Variants in CCDC183 observed in about 807,000 individuals in gnomAD.
The protein encoded by CCDC183 is coiled-coil domain-containing protein 183.
CCDC183 carries 63 observed loss-of-function variants against 65.2 expected under a neutral mutation model. The ratio of observed to expected loss-of-function variants is 0.97; its 90% CI spans 0.79 to 1.19. The LOEUF is 1.19. CCDC183 is among the 50% of genes most tolerant of loss of function. CCDC183 has a pLI of 0.00. For synonymous variants in CCDC183, 323 were observed against 276.5 expected (o/e 1.17, Z -1.67); for missense variants, 769 against 689.3 (o/e 1.12, Z -1.30).
intron 5 of CCDC183, among the ~76,000 whole-genome samples, chr9:136,802,331 T>C (rs114064502): frequency 0.014 from 2,111 of 152,274 alleles, 55 homozygotes; most frequent in African/African-American, 0.046. Context: ...CCCAAGCCCA[T>C]GTCTTGAGCC....
chr9:136,806,172 C>G lies in CCDC183; in HGVS notation c.1043C>G (p.Ala348Gly). The part of the protein sequence containing the change: ...DCEEWRVQLK[A>G]LVKQLELEEA... ...GAGGAGTGGCGGGTGCAGCTGAAGG[C>G]CCTGGTGAAGCAGCTGGAGCTGGAG... is the stretch of plus-strand genomic sequence containing the variant. Residue 348 changes from alanine (A) to glycine (G), a missense_variant, in exon 10 of 14, where the codon GCC (alanine) becomes GGC (glycine). By Grantham distance (60) the Ala-to-Gly change is moderately conservative. Coordinates refer to ENST00000338005, the MANE Select transcript of CCDC183 (RefSeq NM_001039374.5). 6.4e-7 allele frequency: 1 copy of G among 1,555,134 alleles called. No homozygotes were observed. The highest frequency in any genetic ancestry group is 8.7e-7 in the Non-Finnish European group (1 of 1,149,586).
At position 136,804,895 on chromosome 9, in the gene CCDC183, T is replaced by C; in HGVS notation, c.847+79T>C. 7.8e-7 allele frequency: 1 copy of C among 1,278,034 alleles called. No individual in the cohort carries two copies. Among genetic ancestry groups the C allele is most frequent in the Non-Finnish European group, 1.1e-6 (1 of 883,624 alleles). 79.2% of individuals were successfully genotyped at this position (1,278,034 alleles called of 1,614,324 possible). A position where few individuals can be genotyped will look rare whatever the true frequency, so the allele number is the denominator to read the frequency against. On this transcript the variant is annotated intron_variant, in intron 8 of 13. Transcript: ENST00000338005. This position sits in a 1 kb window ranked among gnomAD's most constrained non-coding sequence, Gnocchi z 4.1. The stretch of plus-strand genomic sequence containing the variant: ...CACTGATTCAGGCCAACGGATCAAG[T>C]CACCCTGAGGCCAGGTGTGACATGT...
At chr9:136,798,159 C>T (rs1847681887) in intron 1 of CCDC183, among the ~76,000 whole-genome samples, 3 of 152,154 alleles carry the variant, frequency 2.0e-5, no homozygotes, top group East Asian at 1.9e-4. Context: ...GTGCCCACCA[C>T]CACGCCCAGC....
chr9:136,802,417 A>G (rs774669242), intron 5 of CCDC183, among the ~76,000 whole-genome samples: 5 of 152,148 alleles, frequency 3.3e-5, no homozygotes, highest in Non-Finnish European at 5.9e-5. Flanking sequence ...AGAGCATTTC[A>G]TCACAAACTC....
chr9:136,802,740 T>G lies in CCDC183; in HGVS notation c.620T>G (p.Met207Arg). The change falls in exon 6 of 14, where the codon ATG becomes AGG. Residue 207 changes from methionine to arginine, a missense_variant. By Grantham distance (91) the Met-to-Arg change is moderately conservative. Coordinates refer to ENST00000338005, the MANE Select transcript of CCDC183 (RefSeq NM_001039374.5). ...VVNYCSELSDMKIMSQDAMMI... is the reference protein window; with the variant it reads ...VVNYCSELSDRKIMSQDAMMI... ...AACTACTGCTCAGAGCTGTCGGATA[T>G]GAAGATCATGTCCCAAGATGCCATG... The G allele has an allele frequency of 6.2e-7, 1 of 1,613,442 alleles. No individual in the cohort carries two copies. The highest frequency in any genetic ancestry group is 8.5e-7 in the Non-Finnish European group (1 of 1,179,840).
At chr9:136,798,418 C>T (rs1048210025) in intron 1 of CCDC183, among the ~76,000 whole-genome samples, 2 of 152,108 alleles carry the variant, frequency 1.3e-5, no homozygotes, top group Non-Finnish European at 2.9e-5. Flanking sequence ...CTGCCTCAGC[C>T]TCCTGAGTAG....
Position 136,804,822 on chromosome 9 carries a change from C to CG in CCDC183, c.847+7dup. On this transcript the variant is annotated splice_region_variant and intron_variant, in intron 8 of 13. Coordinates refer to ENST00000338005, the MANE Select transcript of CCDC183 (RefSeq NM_001039374.5). This position sits in a 1 kb window ranked among gnomAD's most constrained non-coding sequence, Gnocchi z 4.1. The stretch of plus-strand genomic sequence containing the variant: ...GAGCACGGAGACCCTGAAATGTAAG[C>CG]GCTCAGCTCCCCACCTGCCCCCAGC... 6.2e-7 allele frequency: 1 copy of CG among 1,613,342 alleles called. No individual in the cohort carries two copies. The highest frequency in any genetic ancestry group is 8.5e-7 in the Non-Finnish European group (1 of 1,179,580).
Position 136,804,920 on chromosome 9 carries a change from T to C in CCDC183, c.847+104T>C, listed in dbSNP as rs1847815909. 1 of 993,526 alleles carries C rather than the reference T, an allele frequency of 1.0e-6. No homozygotes were observed. The highest frequency in any genetic ancestry group is 2.5e-5 in the East Asian group (1 of 39,822). The allele number at this position is 993,526 out of a possible 1,614,324, so 61.5% of individuals were successfully genotyped here. A position where few individuals can be genotyped will look rare whatever the true frequency, so the allele number is the denominator to read the frequency against. On this transcript the variant is annotated intron_variant, in intron 8 of 13. Transcript: ENST00000338005. This position sits in a 1 kb window ranked among gnomAD's most constrained non-coding sequence, Gnocchi z 4.1. ...TCACCCTGAGGCCAGGTGTGACATG[T>C]GGTCGCCAGGGTGAAGGGAAGGACA...
rs1847711295 is a variant in CCDC183, at chr9:136,799,995, G to A, written c.271-7G>A. ...ACCACGAGTGGGCGGTGCCCTTCCC[G>A]ACCCAGGTGGTGCGGGAGAAGCTGC... On this transcript the variant is annotated splice_region_variant and splice_polypyrimidine_tract_variant and intron_variant, in intron 3 of 13. Coordinates refer to ENST00000338005, the MANE Select transcript of CCDC183 (RefSeq NM_001039374.5). 1.3e-6 allele frequency: 2 copies of A among 1,580,796 alleles called. No individual in the cohort carries two copies. The highest frequency in any genetic ancestry group is 2.7e-5 in the African/African-American group (2 of 74,606).
chr9:136,805,546 G>A, intron 9 of CCDC183, 89 bp downstream of exon 9: 4 of 1,226,538 alleles, frequency 3.3e-6, no homozygotes, highest in Non-Finnish European at 3.5e-6. Flanking sequence ...CCGGAGCATG[G>A]CAGGAGGGTG....
intron 1 of CCDC183, among the ~76,000 whole-genome samples, chr9:136,798,732 G>C (rs551757198): frequency 6.6e-6 from 1 of 152,312 alleles, no homozygotes; most frequent in East Asian, 1.9e-4. Flanking sequence ...AGAGAGAGGG[G>C]CTTCAAGGAG....
chr9:136,799,057 C>A (rs1267204300), intron 1 of CCDC183, 45 bp from the exon 2 acceptor site: 1 of 1,609,526 alleles, frequency 6.2e-7, no homozygotes, highest in East Asian at 2.2e-5. Context: ...CAGGCCAGGC[C>A]CTTGGCCCAA....
rs762236600 is a variant in CCDC183 at position 136,807,568 on chromosome 9, G to T, written c.1487-4G>T. ...CGTGTGCGAGCCGCCGCCTCCGCCC[G>T]CAGACACCTTCCAGTTCCCCGACAT... On this transcript the variant is annotated splice_polypyrimidine_tract_variant and splice_region_variant and intron_variant, in intron 13 of 13. Transcript: ENST00000338005. The T allele has an allele frequency of 5.0e-6, 8 of 1,598,178 alleles. No individual in the cohort carries two copies. The Admixed American group carries it at 1.4e-4, about 27-fold the overall frequency.
At chr9:136,806,733 T>C (rs1847861089) in intron 11 of CCDC183, 24 bp from the exon 12 acceptor site, 3 of 1,612,564 alleles carry the variant, frequency 1.9e-6, no homozygotes, top group South Asian at 2.2e-5. Flanking sequence ...AGAGGGGAGA[T>C]GAGACCCTCC....
chr9:136,802,484 A>T (rs1847751119), intron 5 of CCDC183, among the ~76,000 whole-genome samples, 180 bp from the exon 6 acceptor site: 1 of 152,152 alleles, frequency 6.6e-6, no homozygotes, highest in Non-Finnish European at 1.5e-5. Context: ...CCAGGCCAGC[A>T]CTGTCCACTC....
intron 4 of CCDC183, 21 bp from the exon 5 acceptor site, chr9:136,800,368 T>G (rs1847720312): frequency 6.3e-7 from 1 of 1,594,882 alleles, no homozygotes; most frequent in Admixed American, 1.7e-5. Context: ...GCCCTCTCAC[T>G]GCGCCCTCGG....
chr9:136,799,637 G>T, intron 2 of CCDC183, 76 bp from the exon 3 acceptor site: 1 of 1,281,842 alleles, frequency 7.8e-7, no homozygotes. Context: ...AGAGGCCCTG[G>T]GGAGAATGCC....
rs892983412 is a variant in CCDC183, at chr9:136,804,878, C to A, written c.847+62C>A. Reference sequence around the variant, plus strand: ...TCCCAAGGAGAGGCTGGCACTGATTCAGGCCAACGGATCAAGTCACCCTGA... The same window carrying A: ...TCCCAAGGAGAGGCTGGCACTGATTAAGGCCAACGGATCAAGTCACCCTGA... On this transcript the variant is annotated intron_variant, in intron 8 of 13. Transcript: ENST00000338005. This position sits in a 1 kb window ranked among gnomAD's most constrained non-coding sequence, Gnocchi z 4.1. The A allele has an allele frequency of 1.4e-6, 2 of 1,438,598 alleles. No individual in the cohort carries two copies. The highest frequency in any genetic ancestry group is 2.0e-6 in the Non-Finnish European group (2 of 1,024,602). 89.1% of individuals were successfully genotyped at this position (1,438,598 alleles called of 1,614,324 possible).
chr9:136,804,333 C>A lies in CCDC183; in HGVS notation c.667-169C>A. 1.1e-6 allele frequency: 1 copy of A among 890,882 alleles called. No homozygotes were observed. The highest frequency in any genetic ancestry group is 1.7e-6 in the Non-Finnish European group (1 of 603,786). 55.2% of individuals were successfully genotyped at this position (890,882 alleles called of 1,614,324 possible). A position where few individuals can be genotyped will look rare whatever the true frequency, so the allele number is the denominator to read the frequency against. On this transcript the variant is annotated intron_variant, in intron 6 of 13. Transcript: ENST00000338005. This position sits in a 1 kb window ranked among gnomAD's most constrained non-coding sequence, Gnocchi z 4.1. The stretch of plus-strand genomic sequence containing the variant: ...AGGCATGGGCAAGGAGGGCCGTGAG[C>A]TGAGGGGCCACGGGCACAAGTGGTT...
Sources: allele counts gnomAD v4.1 joint callset (sites outside exome capture counted in the v4.1 genomes callset), GRCh38; gene constraint gnomAD v4.1.1; non-coding constraint Gnocchi (gnomAD v3.1); transcripts MANE v1.5; gene names NCBI Gene and HGNC (gene_info 2026-07-23, HGNC 2026-07-21).